The following EPHA6 variants were observed in gnomAD, a reference collection of about 807,000 sequenced individuals.
EPHA6 encodes ephrin type-A receptor 6.
EPHA6 carries 50 observed loss-of-function variants against 112.0 expected under a neutral mutation model. The observed-to-expected ratio is 0.45, with a 90% confidence interval of 0.36 to 0.56. The LOEUF (loss-of-function observed/expected upper bound fraction) is 0.56. Ranked by LOEUF, EPHA6 falls within the 20% of genes least tolerant of loss-of-function variation. The probability of loss-of-function intolerance (pLI) is 0.00; values close to 1 mark genes in which losing one functional copy is unlikely to be tolerated. For synonymous variants in EPHA6, 529 were observed against 490.7 expected, an observed-to-expected ratio of 1.08 and a Z score of -1.03; for missense variants, 1,280 against 1,417.4, an observed-to-expected ratio of 0.90 and a Z score of 1.56.
At chr3:97,497,695 A>G (rs191840333) in intron 10 of EPHA6, among the ~76,000 whole-genome samples, 102 of 152,238 alleles carry the variant, frequency 6.7e-4, no homozygotes, top group Non-Finnish European at 2.6e-4. Context: ...AAATGACTTT[A>G]TTCTCAAAAA....
At chr3:97,012,015 C>T (rs933183875) in intron 3 of EPHA6, among the ~76,000 whole-genome samples, 16 of 152,244 alleles carry the variant, frequency 1.1e-4, no homozygotes, top group African/African-American at 3.9e-4. Flanking sequence ...CTGCATAGTA[C>T]TCCATGGTAC....
At chr3:96,993,060 TTTC>T (rs1444617003) in intron 3 of EPHA6, among the ~76,000 whole-genome samples, 1 of 152,222 alleles carries the variant, frequency 6.6e-6, no homozygotes, top group East Asian at 1.9e-4. Context: ...GAATGCTCTG[TTTC>T]TTCTCATTTC....
intron 2 of EPHA6, among the ~76,000 whole-genome samples, chr3:96,967,236 AATT>A (rs904912405): frequency 9.5e-4 from 143 of 150,384 alleles, no homozygotes; most frequent in African/African-American, 3.4e-3. Context: ...TATAATAAGA[AATT>A]ATTATATAAT....
chr3:97,458,909 T>C (rs1009529314), intron 7 of EPHA6, among the ~76,000 whole-genome samples: 2 of 152,122 alleles, frequency 1.3e-5, no homozygotes, highest in African/African-American at 4.8e-5. Context: ...ATAAACCAGT[T>C]CCCTGCTTTC....
intron 2 of EPHA6, among the ~76,000 whole-genome samples, chr3:96,867,358 G>A (rs2036377303): frequency 1.3e-5 from 2 of 151,694 alleles, no homozygotes; most frequent in Non-Finnish European, 1.5e-5. Flanking sequence ...AATATACAAG[G>A]TGATTAGGTT....
chr3:97,471,981 T>C lies in EPHA6; in HGVS notation c.1895-3371T>C, dbSNP rs2107447305. Among the ~76,000 whole-genome samples the C allele has an allele frequency of 5.9e-5, 9 of 151,902 alleles. 1 individual carries two copies. In the South Asian group the frequency reaches 1.9e-3, roughly 31 times the overall value. ...GGTGTCTTATTCTTTGGCTTGTGGG[T>C]TGCATAACTCATCTCTGCCTTTGTC... is the stretch of plus-strand genomic sequence containing the variant. On this transcript the variant is annotated intron_variant, in intron 7 of 17. Transcript: ENST00000389672.
intron 3 of EPHA6, among the ~76,000 whole-genome samples, chr3:97,189,319 C>A (rs2077239704): frequency 6.6e-6 from 1 of 151,900 alleles, no homozygotes; most frequent in African/African-American, 2.4e-5. Flanking sequence ...TGAGAAATAG[C>A]CCTTGGAAAC....
chr3:97,396,130 A>G (rs1302829781), intron 5 of EPHA6, among the ~76,000 whole-genome samples: 1 of 151,534 alleles, frequency 6.6e-6, no homozygotes, highest in Non-Finnish European at 1.5e-5. Flanking sequence ...AATATATTAA[A>G]TGGCTTATAA....
chr3:97,634,699 G>A (rs551643953), intron 13 of EPHA6, among the ~76,000 whole-genome samples: 10 of 152,120 alleles, frequency 6.6e-5, no homozygotes, highest in Non-Finnish European at 1.3e-4. Flanking sequence ...ATTGAGGTAG[G>A]ACAGGGGCCC....
chr3:97,609,619 T>C (rs1322184803), intron 12 of EPHA6, among the ~76,000 whole-genome samples: 9 of 151,670 alleles, frequency 5.9e-5, no homozygotes, highest in Admixed American at 2.6e-4. Context: ...AGCACATCTT[T>C]ATTTAAAATA....
intron 10 of EPHA6, among the ~76,000 whole-genome samples, chr3:97,527,115 T>G (rs1469938128): frequency 6.6e-6 from 1 of 152,162 alleles, no homozygotes; most frequent in Non-Finnish European, 1.5e-5. Context: ...ACAAAACTGA[T>G]GGCAAGAAGC....
At chr3:97,232,051 T>A (rs1032788264) in intron 4 of EPHA6, among the ~76,000 whole-genome samples, 5 of 152,170 alleles carry the variant, frequency 3.3e-5, no homozygotes, top group Non-Finnish European at 7.4e-5. Context: ...CGAGGTTTAT[T>A]TCTGAGGCCC....
At chr3:97,317,367 G>T (rs527696049) in intron 5 of EPHA6, among the ~76,000 whole-genome samples, 11 of 152,066 alleles carry the variant, frequency 7.2e-5, no homozygotes, top group Admixed American at 5.9e-4. Flanking sequence ...TTGCCCTGAT[G>T]TGTAACCCAA....
intron 5 of EPHA6, among the ~76,000 whole-genome samples, chr3:97,370,942 T>G (rs1259635774): frequency 6.6e-6 from 1 of 152,122 alleles, no homozygotes; most frequent in Non-Finnish European, 1.5e-5. Flanking sequence ...CTGGCTCCAG[T>G]CTATTATCAA....
At chr3:96,890,773 A>G (rs1328799805) in intron 2 of EPHA6, among the ~76,000 whole-genome samples, 1 of 152,208 alleles carries the variant, frequency 6.6e-6, no homozygotes. Flanking sequence ...CTATTTGGCA[A>G]TATCTATTAA....
intron 11 of EPHA6, among the ~76,000 whole-genome samples, chr3:97,579,652 ACCAC>A (rs2093419588): frequency 6.6e-6 from 1 of 152,214 alleles, no homozygotes; most frequent in African/African-American, 2.4e-5. Flanking sequence ...CATTATTTAC[ACCAC>A]TGCAGAACAC....
rs1415108588 is a variant in EPHA6 at position 97,226,384 on chromosome 3, G to T, written c.1235G>T (p.Arg412Leu). 6.2e-7 allele frequency: 1 copy of T among 1,613,358 alleles called. No individual in the cohort carries two copies. Among genetic ancestry groups the T allele is most frequent in the Non-Finnish European group, 8.5e-7 (1 of 1,179,530 alleles). ...SVCQCEKGYFRAEKDPPSMAC... is the reference protein window; with the variant it reads ...SVCQCEKGYFLAEKDPPSMAC... ...TGTCAGTGTGAAAAGGGTTATTTCC[G>T]AGCTGAAAAAGACCCACCTTCTATG... The change falls in exon 4 of 18, where the codon CGA (arginine) becomes CTA (leucine). Residue 412 changes from arginine (R) to leucine (L), a missense_variant. Arg to Leu is a moderately radical substitution (Grantham distance 102). Around this residue, in one of 4 missense-constraint regions of EPHA6, gnomAD observed 878 missense variants for 999.7 expected, o/e 0.88. Coordinates refer to ENST00000389672, the MANE Select transcript of EPHA6 (RefSeq NM_001080448.3).
chr3:97,566,948 G>A (rs2093275327), intron 11 of EPHA6, among the ~76,000 whole-genome samples: 1 of 152,168 alleles, frequency 6.6e-6, no homozygotes, highest in Admixed American at 6.5e-5. Flanking sequence ...CAACAGGAAT[G>A]GAGGAGTAGA....
At chr3:97,180,384 G>A (rs1301156558) in intron 3 of EPHA6, among the ~76,000 whole-genome samples, 1 of 152,016 alleles carries the variant, frequency 6.6e-6, no homozygotes, top group African/African-American at 2.4e-5. Flanking sequence ...ACCCTGCCAT[G>A]GTCATGCTGG....
Sources: allele counts gnomAD v4.1 joint callset (sites outside exome capture counted in the v4.1 genomes callset), GRCh38; gene constraint gnomAD v4.1.1; regional missense constraint gnomAD v4.1.1; transcripts MANE v1.5; gene names NCBI Gene and HGNC (gene_info 2026-07-23, HGNC 2026-07-21).